The following PEX5 variants were observed in gnomAD, a reference collection of about 807,000 sequenced individuals.
PEX5 encodes peroxisomal biogenesis factor 5, also known as PTS1 receptor.
Under a neutral mutation model 82.9 loss-of-function variants are expected in PEX5, and 52 were observed. The ratio of observed to expected loss-of-function variants is 0.63; its 90% CI spans 0.50 to 0.79. PEX5 has a LOEUF of 0.79. Ranked by LOEUF, PEX5 falls within the 30% of genes least tolerant of loss-of-function variation. PEX5 has a pLI of 0.00. For synonymous variants in PEX5, 300 were observed against 318.8 expected (o/e 0.94, Z 0.63); for missense variants, 719 against 815.2 (o/e 0.88, Z 1.44).
intron 5 of PEX5, 53 bp from the exon 6 acceptor site, chr12:7,198,958 G>A: frequency 1.0e-6 from 1 of 1,004,302 alleles, no homozygotes; most frequent in Non-Finnish European, 1.5e-6. Flanking sequence ...CCCTTTCCTT[G>A]ATCCCACACT....
downstream of PEX5, among the ~76,000 whole-genome samples, chr12:7,214,739 T>C (rs1450130595): frequency 6.7e-6 from 1 of 149,180 alleles, no homozygotes; most frequent in East Asian, 2.0e-4. Flanking sequence ...AAAAAAGAAT[T>C]ATTCTCTTAA....
At chr12:7,195,433 A>C (rs2135959432) in intron 5 of PEX5, among the ~76,000 whole-genome samples, 1 of 152,278 alleles carries the variant, frequency 6.6e-6, no homozygotes, top group South Asian at 2.1e-4. Flanking sequence ...TTGTTGGAGT[A>C]GGTTCCCAAT....
rs984897340 is a variant in PEX5 at position 7,190,258 on chromosome 12, T to C, written c.-16-104T>C. On this transcript the variant is annotated intron_variant, in intron 1 of 15. Coordinates refer to ENST00000675855, the MANE Select transcript of PEX5 (RefSeq NM_001351132.2). ...AAGCACTGGGGTGGAGGGCGGCCAG[T>C]GTGGGGCAGACGCCTGTGTGCCTTC... is the stretch of plus-strand genomic sequence containing the variant. The C allele has an allele frequency of 1.9e-6, 3 of 1,593,206 alleles. No homozygotes were observed. The African/African-American group carries it at 4.0e-5, about 21-fold the overall frequency.
downstream of PEX5, among the ~76,000 whole-genome samples, chr12:7,213,110 A>G (rs1041998597): frequency 6.6e-6 from 1 of 151,890 alleles, no homozygotes; most frequent in African/African-American, 2.4e-5. Context: ...TTCCATGCTC[A>G]TGGGTAGGAA....
chr12:7,189,747 C>G lies in PEX5; in HGVS notation c.-20C>G, dbSNP rs12227917. 211,281 of 427,362 alleles carry G rather than the reference C, an allele frequency of 0.49. 55,796 individuals carry two copies. The highest frequency in any genetic ancestry group is 0.62 in the Admixed American group (13,657 of 21,928). The allele number at this position is 427,362 out of a possible 1,614,324, so 26.5% of individuals were successfully genotyped here. On this transcript the variant is annotated 5_prime_UTR_variant, in exon 1 of 16. Coordinates refer to ENST00000675855, the MANE Select transcript of PEX5 (RefSeq NM_001351132.2). ...CGGCGGGTCGTGCGGCGCGGCGCTC[C>G]GCGGTGAGCGCCTGACCCCGAGGGG... is the stretch of plus-strand genomic sequence containing the variant.
chr12:7,198,144 C>T (rs2136060363), intron 5 of PEX5, among the ~76,000 whole-genome samples: 1 of 152,128 alleles, frequency 6.6e-6, no homozygotes, highest in African/African-American at 2.4e-5. Flanking sequence ...TAGGTTAATT[C>T]TGATGTTGCA....
Position 7,207,719 on chromosome 12 carries a change from C to G in PEX5, c.1027C>G (p.Leu343Val), listed in dbSNP as rs749532719. The G allele has an allele frequency of 1.9e-6, 3 of 1,614,070 alleles. No homozygotes were observed. The highest frequency in any genetic ancestry group is 1.1e-5 in the South Asian group (1 of 91,078). The change falls in exon 11 of 16, where the codon CTG becomes GTG. Residue 343 changes from leucine (L) to valine (V), a missense_variant. Transcript: ENST00000675855. ...RDHPQPFEEG[L>V]RRLQEGDLPN... ...TCACCCTCAGCCTTTTGAAGAAGGG[C>G]TGCGGCGCCTTCAGGAGGGGGACCT...
Position 7,204,457 on chromosome 12 carries a change from C to A in PEX5, c.966+906C>A, listed in dbSNP as rs142571659. ...CTAGAGTTTGAGAGCCAGTGAAGAACAGTATTAGGAAAAATATGATTTTGC... is the reference window on the plus strand; with the variant it reads ...CTAGAGTTTGAGAGCCAGTGAAGAAAAGTATTAGGAAAAATATGATTTTGC... On this transcript the variant is annotated intron_variant, in intron 10 of 15. Transcript: ENST00000675855. 2.5e-4 allele frequency among the ~76,000 whole-genome samples: 38 copies of A among 152,228 alleles called. No homozygotes were observed. In the East Asian group the frequency reaches 6.9e-3, roughly 28 times the overall value.
chr12:7,208,863 A>G (rs1462166310), intron 13 of PEX5, 142 bp from the exon 14 acceptor site: 6 of 913,240 alleles, frequency 6.6e-6, no homozygotes, highest in African/African-American at 1.6e-5. Context: ...ACAGGCTTCT[A>G]TATTGGACTT....
At chr12:7,194,420 G>A (rs560149464) in intron 5 of PEX5, among the ~76,000 whole-genome samples, 3 of 152,110 alleles carry the variant, frequency 2.0e-5, no homozygotes, top group African/African-American at 7.2e-5. Flanking sequence ...TCAAGAAGTT[G>A]CCCTTGTTTC....
At position 7,191,276 on chromosome 12, in the gene PEX5, C is replaced by T. The variant is rs1591647740; in HGVS notation, c.234C>T (p.Ala78=). 1 of 1,614,100 alleles carries T rather than the reference C, an allele frequency of 6.2e-7. No homozygotes were observed. The highest frequency in any genetic ancestry group is 1.1e-5 in the South Asian group (1 of 91,080). The stretch of plus-strand genomic sequence containing the variant: ...AGAATGCACCCCTTGTGTCCCGTGC[C>T]CCTCAGACCTTCAAGATGGATGACC... ...QDQNAPLVSR[A]PQTFKMDDLL... Residue 78 remains alanine, a synonymous_variant, in exon 4 of 16, where the codon GCC becomes GCT. Coordinates refer to ENST00000675855, the MANE Select transcript of PEX5 (RefSeq NM_001351132.2).
chr12:7,206,795 C>CAGG (rs1337844327), intron 10 of PEX5, among the ~76,000 whole-genome samples: 1 of 152,130 alleles, frequency 6.6e-6, no homozygotes, highest in Non-Finnish European at 1.5e-5. Context: ...AGAAAGACCT[C>CAGG]CACCTGTTGT....
intron 12 of PEX5, among the ~76,000 whole-genome samples, 183 bp downstream of exon 12, chr12:7,208,263 C>A (rs759325268): frequency 1.3e-5 from 2 of 152,082 alleles, no homozygotes; most frequent in Non-Finnish European, 2.9e-5. Flanking sequence ...ATTTTATTTG[C>A]GGCTTTGGTT....
chr12:7,197,499 T>G (rs1227027172), intron 5 of PEX5, among the ~76,000 whole-genome samples: 19 of 142,274 alleles, frequency 1.3e-4, no homozygotes, highest in African/African-American at 4.4e-4. Context: ...ATTATATATG[T>G]TATATATAAT....
At chr12:7,190,726 C>A in intron 2 of PEX5, 162 bp from the exon 3 acceptor site, 1 of 1,330,264 alleles carries the variant, frequency 7.5e-7, no homozygotes, top group South Asian at 1.2e-5. Flanking sequence ...ATAGTAGTTA[C>A]CACTTACTGA....
intron 10 of PEX5, among the ~76,000 whole-genome samples, chr12:7,207,411 C>T (rs956325927): frequency 6.6e-6 from 1 of 152,132 alleles, no homozygotes; most frequent in African/African-American, 2.4e-5. Context: ...TTATTTCCAG[C>T]GCAGATGAAT....
chr12:7,190,090 C>CA, intron 1 of PEX5: 1 of 1,491,330 alleles, frequency 6.7e-7, no homozygotes, highest in Non-Finnish European at 8.8e-7. Flanking sequence ...TTTGTGGAGG[C>CA]AGCTGCTGGC....
chr12:7,195,864 CCA>C (rs1941973501), intron 5 of PEX5, among the ~76,000 whole-genome samples: 1 of 150,848 alleles, frequency 6.6e-6, no homozygotes, highest in Non-Finnish European at 1.5e-5. Flanking sequence ...CTTTCCGTCT[CCA>C]CACTTGAGGC....
At chr12:7,190,170 G>T (rs966581641) in intron 1 of PEX5, 192 bp from the exon 2 acceptor site, 91 of 1,499,964 alleles carry the variant, frequency 6.1e-5, no homozygotes, top group Middle Eastern at 2.4e-4. Flanking sequence ...GGCCTTTGAG[G>T]GGGGCGGCAG....
Sources: allele counts gnomAD v4.1 joint callset (sites outside exome capture counted in the v4.1 genomes callset), GRCh38; gene constraint gnomAD v4.1.1; transcripts MANE v1.5; gene names NCBI Gene and HGNC (gene_info 2026-07-23, HGNC 2026-07-21).